NRG3: variants seen among roughly 807,000 people sequenced by gnomAD.
NRG3 encodes the protein neuregulin 3, also known as pro-neuregulin-3, membrane-bound isoform.
Under a neutral mutation model 66.9 loss-of-function variants are expected in NRG3, and 31 were observed. That is an observed-to-expected ratio of 0.46 (90% CI 0.35 to 0.63). The LOEUF is 0.63. Among genes scored for constraint, NRG3 ranks in the 20% least tolerant of loss-of-function variants. The pLI, the probability that NRG3 is intolerant of heterozygous loss-of-function variation, is 0.00. For missense variants in NRG3, 910 were observed against 878.9 expected (o/e 1.04, Z -0.45); for synonymous variants, 393 against 359.4 (o/e 1.09, Z -1.06).
chr10:82,700,564 A>C (rs2055789645), intron 2 of NRG3, among the ~76,000 whole-genome samples: 1 of 152,204 alleles, frequency 6.6e-6, no homozygotes, highest in African/African-American at 2.4e-5. Flanking sequence ...TTGGTATTAC[A>C]ATCAGATCAC....
chr10:82,927,048 C>G (rs542898763), intron 4 of NRG3, among the ~76,000 whole-genome samples: 1 of 152,270 alleles, frequency 6.6e-6, no homozygotes, highest in South Asian at 2.1e-4. Flanking sequence ...CAGAGCTTTT[C>G]CACCTGAAGT....
intron 1 of NRG3, among the ~76,000 whole-genome samples, chr10:82,111,098 T>G (rs1258282427): frequency 6.6e-6 from 1 of 152,130 alleles, no homozygotes; most frequent in East Asian, 1.9e-4. Context: ...AATCAAAAAT[T>G]TTGAAAACAT....
chr10:82,498,768 A>G (rs143126445), intron 2 of NRG3, among the ~76,000 whole-genome samples: 1 of 152,256 alleles, frequency 6.6e-6, no homozygotes, highest in East Asian at 1.9e-4. Context: ...CTGTCACTCA[A>G]TGTTGCCTCA....
intron 3 of NRG3, among the ~76,000 whole-genome samples, chr10:82,754,362 A>C (rs949808637): frequency 1.3e-5 from 2 of 151,804 alleles, no homozygotes; most frequent in East Asian, 3.9e-4. Flanking sequence ...CATATCCCCC[A>C]AAATTTGTAT....
intron 2 of NRG3, among the ~76,000 whole-genome samples, chr10:82,580,280 G>A (rs963712678): frequency 5.9e-5 from 9 of 151,472 alleles, no homozygotes; most frequent in Non-Finnish European, 7.4e-5. Flanking sequence ...GTATATTTTC[G>A]AGCAGTTTTA....
intron 4 of NRG3, among the ~76,000 whole-genome samples, chr10:82,937,009 T>C (rs1848137221): frequency 6.6e-6 from 1 of 152,174 alleles, no homozygotes; most frequent in South Asian, 2.1e-4. Flanking sequence ...ATATTTATTA[T>C]TGCTGTGACT....
At chr10:81,995,086 A>G (rs1470487964) in intron 1 of NRG3, among the ~76,000 whole-genome samples, 1 of 152,174 alleles carries the variant, frequency 6.6e-6, no homozygotes, top group East Asian at 1.9e-4. Flanking sequence ...GGAGCTCAAG[A>G]TGAATTCCTG....
At chr10:82,370,504 AC>A (rs1307556264) in intron 2 of NRG3, among the ~76,000 whole-genome samples, 1 of 118,894 alleles carries the variant, frequency 8.4e-6, no homozygotes, top group Non-Finnish European at 1.6e-5. Context: ...CCAAAAGGCA[AC>A]TTTTTGGGCA....
chr10:82,474,980 AAG>A (rs1221885109), intron 2 of NRG3, among the ~76,000 whole-genome samples: 1 of 152,024 alleles, frequency 6.6e-6, no homozygotes, highest in East Asian at 1.9e-4. Context: ...AATGTGCCGA[AAG>A]AAAAAAAAAA....
At chr10:82,317,513 T>C (rs969197993) in intron 1 of NRG3, among the ~76,000 whole-genome samples, 2 of 152,208 alleles carry the variant, frequency 1.3e-5, no homozygotes, top group African/African-American at 4.8e-5. Flanking sequence ...AACCCTTCTA[T>C]CCTTTCAGTC....
intron 2 of NRG3, among the ~76,000 whole-genome samples, chr10:82,483,031 C>G (rs1842408974): frequency 6.6e-6 from 1 of 152,058 alleles, no homozygotes; most frequent in Non-Finnish European, 1.5e-5. Context: ...TAACAAGTAA[C>G]TTCAGTTCAA....
At chr10:82,324,934 T>C (rs905714197) in intron 1 of NRG3, among the ~76,000 whole-genome samples, 11 of 152,334 alleles carry the variant, frequency 7.2e-5, no homozygotes, top group African/African-American at 2.4e-4. Context: ...TGGTTGACTT[T>C]TGTTCAAGTT....
chr10:82,624,275 T>C (rs1243810679), intron 2 of NRG3, among the ~76,000 whole-genome samples: 1 of 152,190 alleles, frequency 6.6e-6, no homozygotes, highest in African/African-American at 2.4e-5. Flanking sequence ...AAAAATTCCC[T>C]GCTTTCATAA....
chr10:82,337,135 A>G (rs892332489), intron 1 of NRG3, among the ~76,000 whole-genome samples: 1 of 152,192 alleles, frequency 6.6e-6, no homozygotes, highest in Non-Finnish European at 1.5e-5. Context: ...TTTATAGGAA[A>G]CCAAGGTTAA....
chr10:82,110,093 A>G (rs1488806001), intron 1 of NRG3, among the ~76,000 whole-genome samples: 1 of 152,190 alleles, frequency 6.6e-6, no homozygotes, highest in Non-Finnish European at 1.5e-5. Flanking sequence ...CATAAGTGCT[A>G]CAGAGACAAA....
Position 82,021,719 on chromosome 10 carries a change from A to G in NRG3, c.823+145556A>G, listed in dbSNP as rs116264494. On this transcript the variant is annotated intron_variant, in intron 1 of 8. Transcript: ENST00000372141. ...TATTGAATTGAAGCAAGACAACAGGAAGATAATTTTATATCAGCCTGATGG... is the reference window on the plus strand; with the variant it reads ...TATTGAATTGAAGCAAGACAACAGGGAGATAATTTTATATCAGCCTGATGG... 4.6e-3 allele frequency among the ~76,000 whole-genome samples: 704 copies of G among 152,078 alleles called. 4 individuals are homozygous for G. The highest frequency in any genetic ancestry group is 0.014 in the African/African-American group (589 of 41,500).
At chr10:82,936,121 A>G (rs1018812655) in intron 4 of NRG3, among the ~76,000 whole-genome samples, 1 of 152,288 alleles carries the variant, frequency 6.6e-6, no homozygotes, top group East Asian at 1.9e-4. Context: ...AAATTTATGA[A>G]TTATGCATTT....
chr10:82,554,205 A>G (rs1296804887), intron 2 of NRG3, among the ~76,000 whole-genome samples: 1 of 152,100 alleles, frequency 6.6e-6, no homozygotes, highest in Admixed American at 6.6e-5. Context: ...GGGAATGAAA[A>G]CTAGCCCCAG....
intron 2 of NRG3, among the ~76,000 whole-genome samples, chr10:82,362,666 A>T (rs182583379): frequency 6.7e-6 from 1 of 150,360 alleles, no homozygotes; most frequent in Non-Finnish European, 1.5e-5. Context: ...TTGGGATTAC[A>T]GGTGTGAGTT....
Sources: allele counts gnomAD v4.1 joint callset (sites outside exome capture counted in the v4.1 genomes callset), GRCh38; gene constraint gnomAD v4.1.1; transcripts MANE v1.5; gene names NCBI Gene and HGNC (gene_info 2026-07-23, HGNC 2026-07-21).